FAM114A1: variants seen among roughly 807,000 people sequenced by gnomAD.
FAM114A1 encodes family with sequence similarity 114 member A1.
In FAM114A1, 62 loss-of-function variants were observed where a neutral mutation model predicts 64.3. The ratio of observed to expected loss-of-function variants is 0.96; its 90% CI spans 0.79 to 1.19. FAM114A1 has a LOEUF of 1.19. Ranked by LOEUF, FAM114A1 falls within the 50% of genes most tolerant of loss-of-function variation. FAM114A1 has a pLI of 0.00. For missense variants in FAM114A1, 645 were observed against 676.3 expected (o/e 0.95, Z 0.51); for synonymous variants, 254 against 251.1 (o/e 1.01, Z -0.11).
chr4:38,943,223 A>C (rs1721710175), intron 14 of FAM114A1, among the ~76,000 whole-genome samples: 2 of 151,910 alleles, frequency 1.3e-5, no homozygotes, highest in Admixed American at 1.3e-4. Context: ...TTCCATGAAA[A>C]TGATTTGCCT....
At chr4:38,914,231 A>T (rs1206736173) in intron 7 of FAM114A1, among the ~76,000 whole-genome samples, 1 of 152,164 alleles carries the variant, frequency 6.6e-6, no homozygotes. Flanking sequence ...TCAAGCATAC[A>T]TAAAACTCGC....
At chr4:38,922,487 T>A (rs564925452) in intron 8 of FAM114A1, among the ~76,000 whole-genome samples, 1 of 152,164 alleles carries the variant, frequency 6.6e-6, no homozygotes, top group Admixed American at 6.5e-5. Context: ...CCACCACCAT[T>A]TATGCAGCAC....
In FAM114A1 at chr4:38,922,846, T is replaced by C. The variant is rs1438251705; in HGVS notation, c.1022T>C (p.Ile341Thr). ...LKNDLISIKD[I>T]FAAKELENEE... Reference sequence around the variant, plus strand: ...AATGACCTAATTTCCATTAAAGACATCTTTGCAGCCAAAGAATTAGAGAAT... The same window carrying C: ...AATGACCTAATTTCCATTAAAGACACCTTTGCAGCCAAAGAATTAGAGAAT... The change falls in exon 9 of 15, where the codon ATC (isoleucine) becomes ACC (threonine). Residue 341 changes from isoleucine to threonine, a missense_variant. Physicochemically the swap from Ile to Thr is moderately conservative, Grantham distance 89 (BLOSUM62 -1). Transcript: ENST00000358869. 7 of 1,613,636 alleles carry C rather than the reference T, an allele frequency of 4.3e-6. No individual in the cohort carries two copies. The South Asian group carries it at 7.7e-5, about 18-fold the overall frequency.
chr4:38,933,414 T>C (rs1018432693), intron 12 of FAM114A1, among the ~76,000 whole-genome samples: 1 of 152,222 alleles, frequency 6.6e-6, no homozygotes, highest in Non-Finnish European at 1.5e-5. Context: ...TACACTCCAC[T>C]GCTCCTGGGG....
rs1721755736 is a variant in FAM114A1 at position 38,943,687 on chromosome 4, A to C, written c.*130A>C. ...GAGGACACTACAAGCAATTTTGCAC[A>C]GACAATATTGAGAATGCAAATTTAG... On this transcript the variant is annotated 3_prime_UTR_variant, in exon 15 of 15. Transcript: ENST00000358869. 2 of 652,884 alleles carry C rather than the reference A, an allele frequency of 3.1e-6. No homozygotes were observed. Among genetic ancestry groups the C allele is most frequent in the Admixed American group, 2.5e-5 (1 of 39,254 alleles). 40.4% of individuals were successfully genotyped at this position (652,884 alleles called of 1,614,324 possible).
rs1221081959 is a variant in FAM114A1 at position 38,944,181 on chromosome 4, G to A, written c.*624G>A. 1.3e-5 allele frequency: 2 copies of A among 148,294 alleles called. No individual in the cohort carries two copies. Among genetic ancestry groups the A allele is most frequent in the Admixed American group, 6.9e-5 (1 of 14,446 alleles). 9.2% of individuals were successfully genotyped at this position (148,294 alleles called of 1,614,324 possible). A position where few individuals can be genotyped will look rare whatever the true frequency, so the allele number is the denominator to read the frequency against. On this transcript the variant is annotated 3_prime_UTR_variant, in exon 15 of 15. Coordinates refer to ENST00000358869, the MANE Select transcript of FAM114A1 (RefSeq NM_138389.4). Reference sequence around the variant, plus strand: ...CCTCCTGGGTTCAATCGATTCTCCTGCCTCAGCCTCCTGAGTAGCTGGGAC... The same window carrying A: ...CCTCCTGGGTTCAATCGATTCTCCTACCTCAGCCTCCTGAGTAGCTGGGAC...
At chr4:38,938,542 G>A (rs1346509328) in intron 13 of FAM114A1, 1 of 152,168 alleles carries the variant, frequency 6.6e-6, no homozygotes, top group African/African-American at 2.4e-5. Context: ...ATGATAGGCT[G>A]GACAAAATGC....
intron 4 of FAM114A1, among the ~76,000 whole-genome samples, chr4:38,894,350 TA>T (rs2109619430): frequency 6.6e-6 from 1 of 152,274 alleles, no homozygotes; most frequent in Admixed American, 6.5e-5. Flanking sequence ...CACAACAATT[TA>T]TAAATTGTGA....
chr4:38,922,872 G>A lies in FAM114A1; in HGVS notation c.1048G>A (p.Glu350Lys). 1.2e-6 allele frequency: 2 copies of A among 1,610,726 alleles called. No individual in the cohort carries two copies. Among genetic ancestry groups the A allele is most frequent in the South Asian group, 1.1e-5 (1 of 90,006 alleles). The part of the protein sequence containing the change: ...DIFAAKELEN[E>K]ENQEEQGLEE... ...CTTTGCAGCCAAAGAATTAGAGAAT[G>A]AAGAAAATCAAGAAGAACAAGGTAA... is the stretch of plus-strand genomic sequence containing the variant. Residue 350 changes from glutamate to lysine, a missense_variant, in exon 9 of 15, where the codon GAA (glutamate) becomes AAA (lysine). Physicochemically the swap from Glu to Lys is moderately conservative, Grantham distance 56. Coordinates refer to ENST00000358869, the MANE Select transcript of FAM114A1 (RefSeq NM_138389.4).
Position 38,932,251 on chromosome 4 carries a change from C to T in FAM114A1, c.1340C>T (p.Ser447Phe). ...TKTIEEVYMS[S>F]IESLAEVTAR... The stretch of plus-strand genomic sequence containing the variant: ...TCATTTCAGGAAGTATACATGTCGT[C>T]CATTGAAAGTCTGGCGGAGGTAACA... Residue 447 changes from serine (S) to phenylalanine (F), a missense_variant, in exon 12 of 15, where the codon TCC becomes TTC. By Grantham distance (155) the Ser-to-Phe change is radical. Coordinates refer to ENST00000358869, the MANE Select transcript of FAM114A1 (RefSeq NM_138389.4). The T allele has an allele frequency of 6.2e-7, 1 of 1,604,648 alleles. No homozygotes were observed. Among genetic ancestry groups the T allele is most frequent in the Non-Finnish European group, 8.5e-7 (1 of 1,177,872 alleles).
chr4:38,933,419 CT>C (rs1275038731), intron 12 of FAM114A1, among the ~76,000 whole-genome samples: 1 of 152,190 alleles, frequency 6.6e-6, no homozygotes, highest in Non-Finnish European at 1.5e-5. Context: ...TCCACTGCTC[CT>C]GGGGACTTAT....
intron 3 of FAM114A1, among the ~76,000 whole-genome samples, chr4:38,881,244 A>T (rs2109560003): frequency 6.6e-6 from 1 of 152,234 alleles, no homozygotes; most frequent in East Asian, 1.9e-4. Context: ...ATTTGCCTTA[A>T]ATGTTTTGGT....
rs58018099 is a variant in FAM114A1, at chr4:38,915,744, GGTGTGTGTGTGTGTGTGT to G, written c.945+704_945+721del. 1.4e-3 allele frequency among the ~76,000 whole-genome samples: 191 copies of G among 139,216 alleles called. 1 individual carries two copies. Among genetic ancestry groups the G allele is most frequent in the African/African-American group, 4.7e-3 (178 of 37,662 alleles). 91.3% of individuals were successfully genotyped at this position (139,216 alleles called of 152,430 possible). A position where few individuals can be genotyped will look rare whatever the true frequency, so the allele number is the denominator to read the frequency against. On this transcript the variant is annotated intron_variant, in intron 8 of 14. Coordinates refer to ENST00000358869, the MANE Select transcript of FAM114A1 (RefSeq NM_138389.4). ...TTTTTTCCCTTAAAGCATCTATAGTGGTGTGTGTGTGTGTGTGTGTGTGTGTGTGTGTGTGTGTGTGTG... is the reference window on the plus strand; with the variant it reads ...TTTTTTCCCTTAAAGCATCTATAGTGGTGTGTGTGTGTGTGTGTGTGTGTG...
chr4:38,910,539 G>A (rs968096243), intron 7 of FAM114A1, among the ~76,000 whole-genome samples: 6 of 152,150 alleles, frequency 3.9e-5, no homozygotes, highest in African/African-American at 1.4e-4. Flanking sequence ...AGAAAGTGAC[G>A]AGCGAGTGCC....
chr4:38,927,507 C>T (rs1330242574), intron 9 of FAM114A1, among the ~76,000 whole-genome samples: 1 of 152,118 alleles, frequency 6.6e-6, no homozygotes, highest in Non-Finnish European at 1.5e-5. Context: ...CCCAAAGCCT[C>T]ACCTCCTATT....
intron 7 of FAM114A1, among the ~76,000 whole-genome samples, chr4:38,912,586 A>G (rs1463697714): frequency 1.3e-5 from 2 of 151,494 alleles, no homozygotes; most frequent in South Asian, 2.1e-4. Context: ...GTTTCATCAT[A>G]TTGGCCAGGC....
intron 9 of FAM114A1, among the ~76,000 whole-genome samples, chr4:38,927,812 T>G (rs1235179369): frequency 6.6e-6 from 1 of 152,116 alleles, no homozygotes; most frequent in East Asian, 1.9e-4. Context: ...GCCTCCCAAG[T>G]AGCTGGGATT....
intron 10 of FAM114A1, 40 bp downstream of exon 10, chr4:38,929,373 A>AAG (rs397969757): frequency 1.2e-4 from 174 of 1,471,894 alleles, no homozygotes; most frequent in East Asian, 5.7e-4. Context: ...TTAAAAAAAA[A>AAG]CAGTGCAGGG....
chr4:38,931,883 C>A (rs529643856), intron 11 of FAM114A1, among the ~76,000 whole-genome samples: 1 of 152,088 alleles, frequency 6.6e-6, no homozygotes, highest in Non-Finnish European at 1.5e-5. Context: ...TAAACCTGGG[C>A]GGTGGAGGTT....
Sources: gnomAD v4.1 joint callset for allele counts (sites outside exome capture counted in the v4.1 genomes callset) on GRCh38, gnomAD v4.1.1 for gene constraint, MANE v1.5 for transcripts, NCBI Gene and HGNC (gene_info 2026-07-23, HGNC 2026-07-21) for gene names.